The following CHODL variants were observed in gnomAD, a reference collection of about 807,000 sequenced individuals.
The protein encoded by CHODL is chondrolectin, also known as transmembrane protein MT75.
Under a neutral mutation model 34.5 loss-of-function variants are expected in CHODL, and 29 were observed. That is an observed-to-expected ratio of 0.84 (90% CI 0.63 to 1.15). The LOEUF is 1.15. Ranked by LOEUF, CHODL falls within the 50% of genes most tolerant of loss-of-function variation. The pLI, the probability that CHODL is intolerant of heterozygous loss-of-function variation, is 0.00. For synonymous variants in CHODL, 125 were observed against 116.1 expected (o/e 1.08, Z -0.49); for missense variants, 332 against 332.5 (o/e 1.00, Z 0.01).
At chr21:17,961,776 T>TA (rs565382960) in intron 1 of CHODL, among the ~76,000 whole-genome samples, 132 of 152,192 alleles carry the variant, frequency 8.7e-4, no homozygotes, top group Non-Finnish European at 1.5e-3. Flanking sequence ...TAATATACGG[T>TA]AAAAAAGTGG....
chr21:17,946,050 C>A (rs934143053), intron 1 of CHODL, among the ~76,000 whole-genome samples: 26 of 151,834 alleles, frequency 1.7e-4, no homozygotes, highest in African/African-American at 5.1e-4. Flanking sequence ...TTGTTGAATT[C>A]AAGTTCATCT....
chr21:18,002,984 G>A (rs573576506), intron 1 of CHODL, among the ~76,000 whole-genome samples: 67 of 152,042 alleles, frequency 4.4e-4, no homozygotes, highest in Non-Finnish European at 6.9e-4. Context: ...TTAGCCGGGC[G>A]AGGTGGCGGG....
intron 2 of CHODL, among the ~76,000 whole-genome samples, chr21:18,088,318 TGA>T (rs1048262441): frequency 1.3e-5 from 2 of 152,130 alleles, no homozygotes; most frequent in African/African-American, 4.8e-5. Context: ...CAGGGGTGTG[TGA>T]GAGTCTCACT....
At chr21:18,251,874 GAC>G (rs999564304) in intron 1 of CHODL, among the ~76,000 whole-genome samples, 85 of 150,232 alleles carry the variant, frequency 5.7e-4, no homozygotes, top group Non-Finnish European at 9.6e-4. Context: ...AAACCTCCAT[GAC>G]ACACATTTAC....
intron 3 of CHODL, 127 bp downstream of exon 3, chr21:18,257,254 G>A: frequency 1.2e-6 from 1 of 801,108 alleles, no homozygotes; most frequent in Non-Finnish European, 1.9e-6. Flanking sequence ...TTACCTTGCA[G>A]TTTCTCATAT....
At chr21:18,075,590 A>G (rs1338909809) in intron 2 of CHODL, among the ~76,000 whole-genome samples, 1 of 152,206 alleles carries the variant, frequency 6.6e-6, no homozygotes, top group Non-Finnish European at 1.5e-5. Context: ...CACAGGTTGT[A>G]GTAAGAATAT....
intron 1 of CHODL, among the ~76,000 whole-genome samples, chr21:18,014,761 C>T (rs1196841374): frequency 6.6e-6 from 1 of 152,202 alleles, no homozygotes; most frequent in African/African-American, 2.4e-5. Flanking sequence ...CCTGAGGTCT[C>T]TTCAGAAGGC....
intron 1 of CHODL, among the ~76,000 whole-genome samples, chr21:18,249,905 C>A (rs1286341103): frequency 6.6e-6 from 1 of 152,142 alleles, no homozygotes; most frequent in Non-Finnish European, 1.5e-5. Flanking sequence ...AGGAGCTCAG[C>A]TTGGCAAGCC....
At chr21:17,962,152 T>C (rs573941909) in intron 1 of CHODL, among the ~76,000 whole-genome samples, 1 of 152,340 alleles carries the variant, frequency 6.6e-6, no homozygotes, top group African/African-American at 2.4e-5. Flanking sequence ...AAAGCAGGAA[T>C]ACTTGCATTT....
intron 2 of CHODL, among the ~76,000 whole-genome samples, chr21:18,124,057 G>A (rs771137872): frequency 8.6e-5 from 13 of 151,956 alleles, no homozygotes; most frequent in African/African-American, 2.4e-4. Flanking sequence ...GGTGGCAGGC[G>A]CCTTAATTCC....
intron 2 of CHODL, among the ~76,000 whole-genome samples, chr21:18,153,174 A>G (rs2072992162): frequency 1.3e-5 from 2 of 152,198 alleles, no homozygotes; most frequent in Admixed American, 6.5e-5. Flanking sequence ...AGCTTAGCTC[A>G]GCTGATTTTC....
chr21:17,922,208 T>TAA (rs551083583), intron 1 of CHODL, among the ~76,000 whole-genome samples: 4 of 141,078 alleles, frequency 2.8e-5, no homozygotes, highest in African/African-American at 7.7e-5. Flanking sequence ...CTTATGGCTC[T>TAA]AAAAAAAAAA....
chr21:18,100,428 G>A (rs531194876), intron 2 of CHODL, among the ~76,000 whole-genome samples: 1 of 152,172 alleles, frequency 6.6e-6, no homozygotes, highest in Admixed American at 6.6e-5. Context: ...AGACTGGGTG[G>A]TTAGCATGGG....
At chr21:17,955,526 A>T (rs1198690694) in intron 1 of CHODL, among the ~76,000 whole-genome samples, 1 of 136,844 alleles carries the variant, frequency 7.3e-6, no homozygotes, top group African/African-American at 2.5e-5. Context: ...GAGTCCTAGG[A>T]ATATTCAATT....
intron 1 of CHODL, among the ~76,000 whole-genome samples, chr21:17,977,289 A>G (rs1194656226): frequency 6.6e-6 from 1 of 151,982 alleles, no homozygotes; most frequent in Non-Finnish European, 1.5e-5. Context: ...TTTCAAGATT[A>G]GATGTCTGGT....
At chr21:18,231,955 A>G (rs1282792461) in intron 2 of CHODL, among the ~76,000 whole-genome samples, 1 of 151,964 alleles carries the variant, frequency 6.6e-6, no homozygotes, top group African/African-American at 2.4e-5. Flanking sequence ...TATAACACAG[A>G]TCTAGTGATC....
intron 2 of CHODL, among the ~76,000 whole-genome samples, chr21:18,188,908 C>G (rs1252470396): frequency 6.6e-6 from 1 of 152,152 alleles, no homozygotes; most frequent in Non-Finnish European, 1.5e-5. Flanking sequence ...GATAATTATG[C>G]TTGGCTACCA....
intron 2 of CHODL, among the ~76,000 whole-genome samples, chr21:18,136,759 CACAT>C (rs1568905101): frequency 3.0e-5 from 4 of 133,648 alleles, no homozygotes; most frequent in East Asian, 2.2e-4. Flanking sequence ...TATATGTATA[CACAT>C]ACATACACAC....
intron 2 of CHODL, among the ~76,000 whole-genome samples, chr21:18,163,216 A>T (rs925959512): frequency 6.6e-6 from 1 of 152,212 alleles, no homozygotes; most frequent in African/African-American, 2.4e-5. Context: ...AAAGTGATTT[A>T]TTTATACTTT....
Sources: allele counts gnomAD v4.1 joint callset (sites outside exome capture counted in the v4.1 genomes callset), GRCh38; gene constraint gnomAD v4.1.1; transcripts MANE v1.5; gene names NCBI Gene and HGNC (gene_info 2026-07-23, HGNC 2026-07-21).